Variants in IMMP2L observed in about 807,000 individuals in gnomAD.
IMMP2L encodes the protein mitochondrial inner membrane protease subunit 2.
In IMMP2L, 18 loss-of-function variants were observed where a neutral mutation model predicts 19.3. The observed-to-expected ratio is 0.93, with a 90% CI of 0.64 to 1.38. The LOEUF (loss-of-function observed/expected upper bound fraction) is 1.38. Ranked by LOEUF, IMMP2L falls within the 40% of genes most tolerant of loss-of-function variation. The pLI is 0.00. For missense variants in IMMP2L, 233 were observed against 218.2 expected (o/e 1.07, Z -0.43); for synonymous variants, 76 against 73.0 (o/e 1.04, Z -0.21).
intron 3 of IMMP2L, chr7:111,124,492 G>A (rs1393775612): frequency 1.2e-6 from 2 of 1,613,896 alleles, no homozygotes; most frequent in Non-Finnish European, 8.5e-7. Flanking sequence ...AATACCATCT[G>A]ATGTCAAGGT....
At chr7:111,190,953 C>T (rs973476090) in intron 3 of IMMP2L, among the ~76,000 whole-genome samples, 2 of 152,040 alleles carry the variant, frequency 1.3e-5, no homozygotes, top group Admixed American at 6.6e-5. Context: ...AATAAAAAGC[C>T]TGACCCATAG....
intron 4 of IMMP2L, among the ~76,000 whole-genome samples, chr7:110,906,394 G>A (rs1812451333): frequency 6.6e-6 from 1 of 152,212 alleles, no homozygotes; most frequent in Admixed American, 6.5e-5. Flanking sequence ...CAGAGTGCTT[G>A]AATTAGTCAA....
chr7:111,284,423 T>C (rs1410067914), intron 3 of IMMP2L, among the ~76,000 whole-genome samples: 1 of 151,986 alleles, frequency 6.6e-6, no homozygotes, highest in Non-Finnish European at 1.5e-5. Flanking sequence ...AGCCAGCATT[T>C]GGAGAGAGGG....
intron 3 of IMMP2L, among the ~76,000 whole-genome samples, chr7:111,217,894 C>T (rs1224395495): frequency 6.6e-6 from 1 of 151,944 alleles, no homozygotes; most frequent in Non-Finnish European, 1.5e-5. Flanking sequence ...AAGATTAGAT[C>T]TCTACTATGA....
chr7:111,529,729 T>C (rs1311981695), intron 1 of IMMP2L, among the ~76,000 whole-genome samples: 1 of 152,140 alleles, frequency 6.6e-6, no homozygotes, highest in South Asian at 2.1e-4. Flanking sequence ...CCTATAAAAT[T>C]GCTTCTTTCA....
chr7:110,886,432 C>A (rs1319335714), intron 5 of IMMP2L, among the ~76,000 whole-genome samples, 161 bp downstream of exon 5: 1 of 151,928 alleles, frequency 6.6e-6, no homozygotes, highest in East Asian at 1.9e-4. Flanking sequence ...TGATAGTGTA[C>A]CTTATCTATG....
Position 111,352,041 on chromosome 7 carries a change from T to C in IMMP2L, c.239+135197A>G, listed in dbSNP as rs530664259. Among the ~76,000 whole-genome samples the C allele has an allele frequency of 8.5e-5, 13 of 152,244 alleles. No individual in the cohort carries two copies. The East Asian group carries it at 2.5e-3, about 29-fold the overall frequency. On this transcript the variant is annotated intron_variant, in intron 3 of 5. Coordinates refer to ENST00000405709, the MANE Select transcript of IMMP2L (RefSeq NM_032549.4). ...TTCTGTACTACTTTTTCCAGTTGCA[T>C]TTTATATCAGTATGCTTCCCATTAA...
At chr7:111,314,094 T>C (rs927340800) in intron 3 of IMMP2L, among the ~76,000 whole-genome samples, 14 of 152,230 alleles carry the variant, frequency 9.2e-5, no homozygotes, top group Middle Eastern at 3.4e-3. Flanking sequence ...CTGCTATGCT[T>C]CCTGTACATC....
At chr7:111,433,375 A>T (rs1231541304) in intron 3 of IMMP2L, among the ~76,000 whole-genome samples, 1 of 151,832 alleles carries the variant, frequency 6.6e-6, no homozygotes, top group Non-Finnish European at 1.5e-5. Flanking sequence ...GAAGCCTCAC[A>T]ATCATGGTGG....
At chr7:110,696,512 G>A (rs931057862) in intron 5 of IMMP2L, among the ~76,000 whole-genome samples, 4 of 142,226 alleles carry the variant, frequency 2.8e-5, no homozygotes, top group African/African-American at 7.8e-5. Flanking sequence ...CCGCAATCTC[G>A]GCCTCCCAGG....
In IMMP2L at chr7:110,849,271, G is replaced by T. The variant is rs1028129544; in HGVS notation, c.408+37322C>A. 8.5e-5 allele frequency among the ~76,000 whole-genome samples: 13 copies of T among 152,158 alleles called. No individual in the cohort carries two copies. The Middle Eastern group carries it at 0.01, about 119-fold the overall frequency. On this transcript the variant is annotated intron_variant, in intron 5 of 5. Coordinates refer to ENST00000405709, the MANE Select transcript of IMMP2L (RefSeq NM_032549.4). Reference sequence around the variant, plus strand: ...TTTACTAATTTTAAAAAAACTCAGTGTACATATCTATCTGATTTTTTGATA... The same window carrying T: ...TTTACTAATTTTAAAAAAACTCAGTTTACATATCTATCTGATTTTTTGATA...
intron 3 of IMMP2L, among the ~76,000 whole-genome samples, chr7:111,301,968 C>T (rs1277777207): frequency 1.4e-5 from 2 of 144,854 alleles, no homozygotes; most frequent in African/African-American, 5.1e-5. Context: ...GAATTCCCTG[C>T]CACAATTAGA....
chr7:111,283,994 G>C (rs39727), intron 3 of IMMP2L, among the ~76,000 whole-genome samples: 1,947 of 121,240 alleles, frequency 0.016, 48 homozygotes, highest in African/African-American at 0.064. Flanking sequence ...AAAAAAAAAA[G>C]AGACATGATC....
At chr7:111,358,036 C>T (rs1243288210) in intron 3 of IMMP2L, among the ~76,000 whole-genome samples, 4 of 151,746 alleles carry the variant, frequency 2.6e-5, no homozygotes, top group African/African-American at 7.3e-5. Context: ...AGTAGAAACC[C>T]AATCTTTGTA....
intron 4 of IMMP2L, among the ~76,000 whole-genome samples, chr7:110,902,094 T>C (rs964787681): frequency 6.6e-6 from 1 of 152,080 alleles, no homozygotes; most frequent in Non-Finnish European, 1.5e-5. Flanking sequence ...TCAGTCTACA[T>C]TTATAAAAAA....
intron 3 of IMMP2L, among the ~76,000 whole-genome samples, chr7:111,446,713 T>A (rs1357118988): frequency 6.6e-6 from 1 of 152,202 alleles, no homozygotes; most frequent in Non-Finnish European, 1.5e-5. Context: ...TGGAGAATGA[T>A]TTCGATGAGC....
intron 4 of IMMP2L, among the ~76,000 whole-genome samples, chr7:110,906,588 C>T (rs554424864): frequency 8.6e-4 from 131 of 152,162 alleles, no homozygotes; most frequent in South Asian, 3.1e-3. Context: ...AACAGCGCTT[C>T]GGAACACAGA....
intron 5 of IMMP2L, among the ~76,000 whole-genome samples, chr7:110,726,952 C>T (rs186387952): frequency 6.6e-6 from 1 of 152,302 alleles, no homozygotes; most frequent in Non-Finnish European, 1.5e-5. Flanking sequence ...AGAAGATCAT[C>T]TGGAAAGGGT....
intron 3 of IMMP2L, among the ~76,000 whole-genome samples, chr7:111,442,827 C>G (rs1360823408): frequency 6.6e-6 from 1 of 151,694 alleles, no homozygotes; most frequent in Admixed American, 6.6e-5. Context: ...TTAAATTTGC[C>G]CATATAGTTA....
Sources: gnomAD v4.1 joint callset for allele counts (sites outside exome capture counted in the v4.1 genomes callset) on GRCh38, gnomAD v4.1.1 for gene constraint, MANE v1.5 for transcripts, NCBI Gene and HGNC (gene_info 2026-07-23, HGNC 2026-07-21) for gene names.